The following SOX13 variants were observed in gnomAD, a reference collection of about 807,000 sequenced individuals.
The protein encoded by SOX13 is SRY-box transcription factor 13.
In SOX13, 28 loss-of-function variants were observed where a neutral mutation model predicts 71.8. The observed-to-expected ratio is 0.39, with a 90% CI of 0.29 to 0.53. The LOEUF is 0.53. Ranked by LOEUF, SOX13 falls within the 20% of genes least tolerant of loss-of-function variation. SOX13 has a pLI of 0.70. For synonymous variants in SOX13, 309 were observed against 317.8 expected (o/e 0.97, Z 0.29); for missense variants, 627 against 810.3 (o/e 0.77, Z 2.75).
intron 1 of SOX13, among the ~76,000 whole-genome samples, chr1:204,104,796 C>T (rs145796864): frequency 4.6e-5 from 7 of 152,242 alleles, no homozygotes; most frequent in South Asian, 4.1e-4. Flanking sequence ...CGTCATGCTA[C>T]GATGACTGGA....
intron 1 of SOX13, among the ~76,000 whole-genome samples, chr1:204,076,067 T>C (rs1224042322): frequency 2.6e-5 from 4 of 152,182 alleles, no homozygotes; most frequent in East Asian, 1.9e-4. Context: ...CTCGAGTCTT[T>C]TTTCTTTTTC....
chr1:204,121,748 G>A, intron 7 of SOX13, 152 bp from the exon 8 acceptor site: 2 of 699,080 alleles, frequency 2.9e-6, no homozygotes, highest in Non-Finnish European at 5.2e-6. Flanking sequence ...GAGCCTCCAA[G>A]CAGTGCTTTG....
intron 1 of SOX13, among the ~76,000 whole-genome samples, chr1:204,077,006 C>T (rs898873125): frequency 3.9e-5 from 6 of 152,186 alleles, no homozygotes; most frequent in Admixed American, 2.6e-4. Context: ...AGAAATACCA[C>T]AGGGTGATGT....
chr1:204,123,617 G>T lies in SOX13; in HGVS notation c.1232-44G>T. 1 of 1,600,032 alleles carries T rather than the reference G, an allele frequency of 6.2e-7. No individual in the cohort carries two copies. The highest frequency in any genetic ancestry group is 1.1e-5 in the South Asian group (1 of 89,968). On this transcript the variant is annotated intron_variant, in intron 11 of 13. Transcript: ENST00000367204. The surrounding 1 kb of genome is among the most constrained non-coding windows in gnomAD (Gnocchi z 5.0). Reference sequence around the variant, plus strand: ...TCTGCTGGCCCTGGGGCACTCTCCTGACCCCAGACAGGCTGCTTGGCTGAC... The same window carrying T: ...TCTGCTGGCCCTGGGGCACTCTCCTTACCCCAGACAGGCTGCTTGGCTGAC...
At chr1:204,125,738 T>C in intron 13 of SOX13, 120 bp from the exon 14 acceptor site, 1 of 1,146,188 alleles carries the variant, frequency 8.7e-7, no homozygotes, top group Non-Finnish European at 1.2e-6. Flanking sequence ...GCAGGGTATA[T>C]AAGTCACAGC....
At chr1:204,084,247 G>A (rs1655970229) in intron 1 of SOX13, among the ~76,000 whole-genome samples, 1 of 152,150 alleles carries the variant, frequency 6.6e-6, no homozygotes. Context: ...GGTGCTGTGG[G>A]TTCAAGCAGG....
intron 1 of SOX13, among the ~76,000 whole-genome samples, chr1:204,089,387 C>T (rs1656094226): frequency 6.6e-6 from 1 of 152,174 alleles, no homozygotes; most frequent in African/African-American, 2.4e-5. Context: ...AATGGGCTTC[C>T]CTCCCACTCT....
At chr1:204,078,780 C>T (rs1387860469) in intron 1 of SOX13, among the ~76,000 whole-genome samples, 1 of 152,206 alleles carries the variant, frequency 6.6e-6, no homozygotes, top group Non-Finnish European at 1.5e-5. Flanking sequence ...ACTGGCCCTT[C>T]CTTAGTTCTT....
chr1:204,075,458 A>G (rs1294148332), intron 1 of SOX13, among the ~76,000 whole-genome samples: 1 of 152,260 alleles, frequency 6.6e-6, no homozygotes, highest in African/African-American at 2.4e-5. Context: ...GGGATTCAGC[A>G]CATTTGGATT....
chr1:204,088,337 C>G (rs910004176), intron 1 of SOX13, among the ~76,000 whole-genome samples: 1 of 152,082 alleles, frequency 6.6e-6, no homozygotes, highest in African/African-American at 2.4e-5. Flanking sequence ...GTTCTCCTAG[C>G]CAGGTGGTCA....
Position 204,126,263 on chromosome 1 carries a change from G to A in SOX13, c.*129G>A. ...TCGTGCCCCAGAGATGGGCAAAGCT[G>A]TGCACTTGCAGATACATTCATGAGG... On this transcript the variant is annotated 3_prime_UTR_variant, in exon 14 of 14. Transcript: ENST00000367204. The A allele has an allele frequency of 9.9e-7, 1 of 1,006,500 alleles. No homozygotes were observed. Among genetic ancestry groups the A allele is most frequent in the Non-Finnish European group, 1.5e-6 (1 of 683,546 alleles). 62.3% of individuals were successfully genotyped at this position (1,006,500 alleles called of 1,614,324 possible). A position where few individuals can be genotyped will look rare whatever the true frequency, so the allele number is the denominator to read the frequency against.
At chr1:204,076,000 T>G (rs1253615639) in intron 1 of SOX13, among the ~76,000 whole-genome samples, 1 of 152,228 alleles carries the variant, frequency 6.6e-6, no homozygotes. Context: ...CACCCTTGCC[T>G]GATTCCAGCC....
rs755508461 is a variant in SOX13, at chr1:204,122,344, C to T, written c.969C>T (p.Pro323=). ...LKMSSCVPRP[P]SHGGPTRDLQ... is the part of the protein sequence containing the mutation. Reference sequence around the variant, plus strand: ...TGAGCAGCTGTGTGCCCCGCCCCCCCAGCCATGGAGGCCCCACGCGGGACC... The same window carrying T: ...TGAGCAGCTGTGTGCCCCGCCCCCCTAGCCATGGAGGCCCCACGCGGGACC... Residue 323 remains proline (P), a synonymous_variant, in exon 9 of 14, where the codon CCC becomes CCT. Coordinates refer to ENST00000367204, the MANE Select transcript of SOX13 (RefSeq NM_005686.3). 8 of 1,565,606 alleles carry T rather than the reference C, an allele frequency of 5.1e-6. No individual in the cohort carries two copies. Among genetic ancestry groups the T allele is most frequent in the Admixed American group, 3.7e-5 (2 of 53,498 alleles).
Position 204,126,212 on chromosome 1 carries a change from A to G in SOX13, c.*78A>G. 1 of 1,476,236 alleles carries G rather than the reference A, an allele frequency of 6.8e-7. No homozygotes were observed. The highest frequency in any genetic ancestry group is 9.3e-7 in the Non-Finnish European group (1 of 1,078,960). 91.4% of individuals were successfully genotyped at this position (1,476,236 alleles called of 1,614,324 possible). ...CTCGATGGGCACAGCCAGCCAACCT[A>G]AGACTATGTTGGTACTTGGACTTGT... On this transcript the variant is annotated 3_prime_UTR_variant, in exon 14 of 14. Transcript: ENST00000367204.
chr1:204,083,745 T>C (rs900316729), intron 1 of SOX13, among the ~76,000 whole-genome samples: 1 of 152,180 alleles, frequency 6.6e-6, no homozygotes, highest in Non-Finnish European at 1.5e-5. Context: ...AGGGAGCACC[T>C]GCCTTGTGGC....
In SOX13 at chr1:204,080,742, T is replaced by G. The variant is rs374402722; in HGVS notation, c.-2+7031T>G. ...TGCAGACTCAGGTCCTGTGCTGAGT[T>G]GGTGCAGAGGCAGGCAGGTGCTGTG... On this transcript the variant is annotated intron_variant, in intron 1 of 13. Transcript: ENST00000367204. Among the ~76,000 whole-genome samples the G allele has an allele frequency of 3.1e-3, 476 of 152,066 alleles. 4 individuals are homozygous for G. The highest frequency in any genetic ancestry group is 0.011 in the African/African-American group (451 of 41,490).
chr1:204,096,674 C>T lies in SOX13; in HGVS notation c.-1-16241C>T, dbSNP rs138554675. On this transcript the variant is annotated intron_variant, in intron 1 of 13. Coordinates refer to ENST00000367204, the MANE Select transcript of SOX13 (RefSeq NM_005686.3). ...TTGTGATCCACCCACCTCAGACTCCCAAAGTGCTGGGATTATATGCATGAG... is the reference window on the plus strand; with the variant it reads ...TTGTGATCCACCCACCTCAGACTCCTAAAGTGCTGGGATTATATGCATGAG... Among the ~76,000 whole-genome samples the T allele has an allele frequency of 1.0e-3, 153 of 152,176 alleles. 3 individuals carry two copies. In the East Asian group the frequency reaches 0.013, roughly 13 times the overall value.
intron 1 of SOX13, among the ~76,000 whole-genome samples, chr1:204,087,943 C>G (rs1656058804): frequency 6.6e-6 from 1 of 152,156 alleles, no homozygotes. Context: ...GGCTGTGGAT[C>G]TGCAGGGATG....
intron 7 of SOX13, among the ~76,000 whole-genome samples, chr1:204,120,888 C>T (rs1237247494): frequency 2.6e-5 from 4 of 152,100 alleles, no homozygotes; most frequent in Non-Finnish European, 4.4e-5. Flanking sequence ...TCTAGAGGCC[C>T]TGGGTTCAAA....
Sources: gnomAD v4.1 joint callset for allele counts (sites outside exome capture counted in the v4.1 genomes callset) on GRCh38, gnomAD v4.1.1 for gene constraint, Gnocchi (gnomAD v3.1) non-coding constraint, MANE v1.5 for transcripts, NCBI Gene and HGNC (gene_info 2026-07-23, HGNC 2026-07-21) for gene names.